Variants in LAIR1 observed in about 807,000 individuals in gnomAD.
LAIR1 encodes the protein leukocyte-associated immunoglobulin-like receptor 1.
In LAIR1, 24 loss-of-function variants were observed where a neutral mutation model predicts 32.8. That is an observed-to-expected ratio of 0.73 (90% CI 0.53 to 1.03). The LOEUF (loss-of-function observed/expected upper bound fraction) is 1.03. Among genes scored for constraint, LAIR1 ranks in the 50% least tolerant of loss-of-function variants. The probability of loss-of-function intolerance (pLI) is 0.00; values close to 1 mark genes in which losing one functional copy is unlikely to be tolerated. For synonymous variants in LAIR1, 150 were observed against 140.5 expected (o/e 1.07, Z -0.48); for missense variants, 355 against 347.5 (o/e 1.02, Z -0.17).
upstream of LAIR1, chr19:54,368,786 C>G (rs1291375960): frequency 6.6e-6 from 1 of 152,190 alleles, no homozygotes; most frequent in South Asian, 2.1e-4. Context: ...CTCCCGGGTT[C>G]AAGCGATTCT....
At chr19:54,362,072 T>C (rs1342151537) in intron 2 of LAIR1, among the ~76,000 whole-genome samples, 13 of 151,818 alleles carry the variant, frequency 8.6e-5, no homozygotes, top group Non-Finnish European at 1.8e-4. Context: ...GTATTTAAGG[T>C]GTACAACATG....
upstream of LAIR1, among the ~76,000 whole-genome samples, chr19:54,372,590 A>C (rs1448013937): frequency 2.7e-5 from 4 of 148,718 alleles, no homozygotes. Context: ...TCCCGGGTTC[A>C]AGTGATTCTC....
In LAIR1 at chr19:54,356,479, C is replaced by G. The variant is rs199540701; in HGVS notation, c.583+12G>C. ...GCTTCCCAGGTCACCCCACCCTGCC[C>G]CTGAGACCTACCCTGCTTTATCTGA... On this transcript the variant is annotated intron_variant, in intron 6 of 9. Transcript: ENST00000391742. 7 of 1,613,594 alleles carry G rather than the reference C, an allele frequency of 4.3e-6. No individual in the cohort carries two copies. The highest frequency in any genetic ancestry group is 5.9e-6 in the Non-Finnish European group (7 of 1,179,884).
chr19:54,365,099 T>C (rs1407695217), upstream of LAIR1: 7 of 1,301,504 alleles, frequency 5.4e-6, no homozygotes, highest in South Asian at 7.2e-5. Context: ...TCTAAATCTA[T>C]GGGACAAGGC....
chr19:54,373,786 C>T (rs532586016), upstream of LAIR1, among the ~76,000 whole-genome samples: 8 of 152,328 alleles, frequency 5.3e-5, no homozygotes, highest in Admixed American at 5.2e-4. Flanking sequence ...GCGGTTTTCT[C>T]TGGGGCAGAA....
At chr19:54,365,483 T>C (rs570252462), upstream of LAIR1, among the ~76,000 whole-genome samples, 3 of 152,268 alleles carry the variant, frequency 2.0e-5, no homozygotes, top group South Asian at 6.2e-4. Flanking sequence ...GCAATCCCAC[T>C]TCTGGGTCTG....
chr19:54,359,597 G>T (rs1482295390), intron 4 of LAIR1, among the ~76,000 whole-genome samples: 1 of 152,370 alleles, frequency 6.6e-6, no homozygotes, highest in East Asian at 1.9e-4. Context: ...GAATGGTGAG[G>T]CCACGCCCAC....
chr19:54,356,659 A>G (rs747334652), intron 5 of LAIR1, 40 bp from the exon 6 acceptor site: 17 of 1,597,496 alleles, frequency 1.1e-5, no homozygotes, highest in Non-Finnish European at 8.6e-7. Context: ...GTGTGCATTT[A>G]TTGAGCACCT....
upstream of LAIR1, among the ~76,000 whole-genome samples, chr19:54,369,603 C>T (rs2082353719): frequency 6.6e-6 from 1 of 151,528 alleles, no homozygotes; most frequent in Non-Finnish European, 1.5e-5. Context: ...ATGTCCAAGG[C>T]ATGCTGCAGA....
chr19:54,360,577 G>C, intron 3 of LAIR1: 1 of 456,852 alleles, frequency 2.2e-6, no homozygotes, highest in Non-Finnish European at 3.9e-6. Flanking sequence ...TCCATCCCGT[G>C]TGAAAAGACA....
Position 54,360,898 on chromosome 19 carries a change from C to T in LAIR1, c.364+18G>A. 2 of 1,602,806 alleles carry T rather than the reference C, an allele frequency of 1.2e-6. No individual in the cohort carries two copies. The highest frequency in any genetic ancestry group is 8.5e-7 in the Non-Finnish European group (1 of 1,173,078). On this transcript the variant is annotated intron_variant, in intron 3 of 9. Coordinates refer to ENST00000391742, the MANE Select transcript of LAIR1 (RefSeq NM_002287.6). ...GGGTCGAGCTGAGACTGGGGCAGGG[C>T]CCAGGTGACGTCCTCACCTTTCACC...
upstream of LAIR1, chr19:54,365,080 C>G (rs1445724534): frequency 7.4e-7 from 1 of 1,344,948 alleles, no homozygotes; most frequent in Non-Finnish European, 9.5e-7. Flanking sequence ...CCAGATGTGT[C>G]AGCCTCTTTC....
Position 54,355,187 on chromosome 19 carries a change from G to A in LAIR1, c.*81C>T. 1.5e-6 allele frequency: 2 copies of A among 1,339,826 alleles called. No homozygotes were observed. The highest frequency in any genetic ancestry group is 1.4e-5 in the South Asian group (1 of 70,722). 83.0% of individuals were successfully genotyped at this position (1,339,826 alleles called of 1,614,324 possible). A position where few individuals can be genotyped will look rare whatever the true frequency, so the allele number is the denominator to read the frequency against. On this transcript the variant is annotated 3_prime_UTR_variant, in exon 10 of 10. Transcript: ENST00000391742. This position sits in a 1 kb window ranked among gnomAD's most constrained non-coding sequence, Gnocchi z 4.7. Reference sequence around the variant, plus strand: ...TTTCTAGATGAAGAGGAATCCAACAGGAAGCCTTCCAAATGGCTGCTTCAG... The same window carrying A: ...TTTCTAGATGAAGAGGAATCCAACAAGAAGCCTTCCAAATGGCTGCTTCAG...
chr19:54,367,722 G>A (rs149798010), upstream of LAIR1, among the ~76,000 whole-genome samples: 11,810 of 151,044 alleles, frequency 0.078, 888 homozygotes, highest in East Asian at 0.18. Context: ...CTCCAGCCTG[G>A]GTGACAGAGC....
intron 4 of LAIR1, chr19:54,359,765 T>G (rs2081920463): frequency 2.7e-6 from 1 of 364,772 alleles, no homozygotes; most frequent in Non-Finnish European, 4.9e-6. Flanking sequence ...ATCAGACTAG[T>G]ACCTCCCCCA....
chr19:54,374,757 G>C (rs1468666856), upstream of LAIR1, among the ~76,000 whole-genome samples: 2 of 152,110 alleles, frequency 1.3e-5, no homozygotes, highest in Non-Finnish European at 2.9e-5. Context: ...AGCCAGGATG[G>C]TGACTCTGGA....
intron 8 of LAIR1, 111 bp downstream of exon 8, chr19:54,356,119 C>A: frequency 1.5e-6 from 2 of 1,346,372 alleles, no homozygotes; most frequent in Non-Finnish European, 2.1e-6. Flanking sequence ...TATAATACGA[C>A]CTTCTAGAAT....
upstream of LAIR1, among the ~76,000 whole-genome samples, chr19:54,371,067 T>TA (rs1402226275): frequency 3.3e-5 from 5 of 150,006 alleles, no homozygotes; most frequent in Admixed American, 6.6e-5. Flanking sequence ...ACAGAACATG[T>TA]AAAAAAAAAT....
rs1023025681 is a variant in LAIR1, at chr19:54,352,161, A to T, written c.*3107T>A. On this transcript the variant is annotated 3_prime_UTR_variant, in exon 10 of 10. Coordinates refer to ENST00000391742, the MANE Select transcript of LAIR1 (RefSeq NM_002287.6). ...CTCTGCCCTGGTTACTCACAGGGAC[A>T]TCTGTGAATATCTGCTGCTGCCCCA... 6.5e-6 allele frequency: 1 copy of T among 153,254 alleles called. No homozygotes were observed. Among genetic ancestry groups the T allele is most frequent in the Non-Finnish European group, 1.5e-5 (1 of 68,086 alleles). The allele number at this position is 153,254 out of a possible 1,614,324, so 9.5% of individuals were successfully genotyped here.
Sources: gnomAD v4.1 joint callset for allele counts (sites outside exome capture counted in the v4.1 genomes callset) on GRCh38, gnomAD v4.1.1 for gene constraint, Gnocchi (gnomAD v3.1) non-coding constraint, MANE v1.5 for transcripts, NCBI Gene and HGNC (gene_info 2026-07-23, HGNC 2026-07-21) for gene names.